Variants in KCNB2 observed in about 807,000 individuals in gnomAD.
KCNB2 encodes the protein delayed rectifier potassium channel protein.
KCNB2 carries 15 observed loss-of-function variants against 61.5 expected under a neutral mutation model. That is an observed-to-expected ratio of 0.24 (90% CI 0.16 to 0.38). The LOEUF is 0.38. Ranked by LOEUF, KCNB2 falls within the 10% of genes least tolerant of loss-of-function variation. The pLI is 1.00. For synonymous variants in KCNB2, 457 were observed against 446.0 expected (o/e 1.02, Z -0.31); for missense variants, 828 against 1,125.2 (o/e 0.74, Z 3.78).
chr8:72,846,534 G>C (rs1809996923), intron 2 of KCNB2, among the ~76,000 whole-genome samples: 1 of 145,686 alleles, frequency 6.9e-6, no homozygotes, highest in South Asian at 2.2e-4. Context: ...CTAATATCCA[G>C]AATCAACAAA....
At chr8:72,735,196 G>C (rs1487974845) in intron 2 of KCNB2, among the ~76,000 whole-genome samples, 1 of 152,150 alleles carries the variant, frequency 6.6e-6, no homozygotes, top group Non-Finnish European at 1.5e-5. Flanking sequence ...GCATCCAGGA[G>C]TGAAGTTCCA....
chr8:72,837,982 T>C (rs1809812308), intron 2 of KCNB2, among the ~76,000 whole-genome samples: 1 of 152,200 alleles, frequency 6.6e-6, no homozygotes, highest in South Asian at 2.1e-4. Flanking sequence ...TTCATACTGG[T>C]ATTACCTTTT....
At chr8:72,767,972 G>A (rs1358598561) in intron 2 of KCNB2, among the ~76,000 whole-genome samples, 1 of 152,172 alleles carries the variant, frequency 6.6e-6, no homozygotes, top group Non-Finnish European at 1.5e-5. Flanking sequence ...GGTTAATGAT[G>A]TTTTACATCG....
chr8:72,650,305 T>A (rs1479523957), intron 2 of KCNB2, among the ~76,000 whole-genome samples: 1 of 152,146 alleles, frequency 6.6e-6, no homozygotes, highest in Non-Finnish European at 1.5e-5. Context: ...CCTGGGACTT[T>A]CAGTCGCCAG....
intron 2 of KCNB2, among the ~76,000 whole-genome samples, chr8:72,819,501 A>G (rs1809456819): frequency 6.6e-6 from 1 of 152,168 alleles, no homozygotes; most frequent in Non-Finnish European, 1.5e-5. Context: ...CTGGGACTAC[A>G]GGTGTGTTTC....
intron 2 of KCNB2, among the ~76,000 whole-genome samples, chr8:72,931,113 T>C (rs1427961701): frequency 1.3e-5 from 2 of 152,334 alleles, no homozygotes; most frequent in South Asian, 2.1e-4. Flanking sequence ...GTTGTAGATG[T>C]GTGGTATTAT....
intron 2 of KCNB2, among the ~76,000 whole-genome samples, chr8:72,907,172 C>T (rs1178683085): frequency 5.9e-5 from 9 of 152,090 alleles, no homozygotes; most frequent in Non-Finnish European, 1.3e-4. Flanking sequence ...TCCTGGCCAA[C>T]ATGGTGAAAC....
Position 72,639,015 on chromosome 8 carries a change from T to C in KCNB2, c.579+70702T>C, listed in dbSNP as rs543432256. 5.3e-5 allele frequency among the ~76,000 whole-genome samples: 8 copies of C among 152,292 alleles called. No individual in the cohort carries two copies. In the East Asian group the frequency reaches 1.4e-3, roughly 26 times the overall value. Reference sequence around the variant, plus strand: ...TATTGGCTTCCAGGCACATGCGGTGTGCTTAAATCATCACCTATAAAGCTC... The same window carrying C: ...TATTGGCTTCCAGGCACATGCGGTGCGCTTAAATCATCACCTATAAAGCTC... On this transcript the variant is annotated intron_variant, in intron 2 of 2. Transcript: ENST00000523207.
At chr8:72,775,870 A>G (rs941709765) in intron 2 of KCNB2, among the ~76,000 whole-genome samples, 2 of 152,206 alleles carry the variant, frequency 1.3e-5, no homozygotes, top group Admixed American at 1.3e-4. Context: ...AGAACTGGAA[A>G]TACCATTTGA....
intron 2 of KCNB2, among the ~76,000 whole-genome samples, chr8:72,792,054 C>T (rs1184698017): frequency 6.6e-6 from 1 of 152,136 alleles, no homozygotes; most frequent in East Asian, 1.9e-4. Flanking sequence ...CTATAGCAAT[C>T]CAATGAGGAA....
chr8:72,909,653 T>TG (rs1236831022), intron 2 of KCNB2, among the ~76,000 whole-genome samples: 3 of 151,810 alleles, frequency 2.0e-5, no homozygotes, highest in African/African-American at 7.3e-5. Context: ...GGCATGAATC[T>TG]GGGGGGGAAA....
chr8:72,562,043 C>G (rs906481807), intron 1 of KCNB2, among the ~76,000 whole-genome samples: 2 of 151,354 alleles, frequency 1.3e-5, no homozygotes, highest in African/African-American at 2.4e-5. Flanking sequence ...AAGAAAATGC[C>G]TTAGAGCTAT....
chr8:72,615,287 T>A (rs191496220), intron 2 of KCNB2, among the ~76,000 whole-genome samples: 2 of 152,350 alleles, frequency 1.3e-5, no homozygotes, highest in Admixed American at 6.5e-5. Context: ...AAACAAGATG[T>A]TGTGTGTGAA....
chr8:72,593,809 C>G (rs1412209925), intron 2 of KCNB2, among the ~76,000 whole-genome samples: 1 of 152,094 alleles, frequency 6.6e-6, no homozygotes. Flanking sequence ...ATAGAATCTG[C>G]TGGGTTATGG....
chr8:72,871,984 A>G lies in KCNB2; in HGVS notation c.580-63951A>G, dbSNP rs188106876. ...GTCCATTACACCTTGGAGCATAATCATGACCAAATCTAGGAGTTTCTCACT... is the reference window on the plus strand; with the variant it reads ...GTCCATTACACCTTGGAGCATAATCGTGACCAAATCTAGGAGTTTCTCACT... On this transcript the variant is annotated intron_variant, in intron 2 of 2. Transcript: ENST00000523207. Among the ~76,000 whole-genome samples the G allele has an allele frequency of 4.2e-4, 64 of 152,334 alleles. No homozygotes were observed. The Middle Eastern group carries it at 0.027, about 65-fold the overall frequency.
At chr8:72,774,861 T>C (rs1246347502) in intron 2 of KCNB2, among the ~76,000 whole-genome samples, 1 of 152,146 alleles carries the variant, frequency 6.6e-6, no homozygotes, top group African/African-American at 2.4e-5. Flanking sequence ...CCTGCTAGAA[T>C]TCTTTATCCG....
chr8:72,608,267 AGGTGAGAGTG>A (rs1238550749), intron 2 of KCNB2, among the ~76,000 whole-genome samples: 3 of 151,874 alleles, frequency 2.0e-5, no homozygotes, highest in Non-Finnish European at 4.4e-5. Flanking sequence ...TGGAATAGGG[AGGTGAGAGTG>A]GGCAGAGAGG....
chr8:72,625,979 A>G (rs7845401), intron 2 of KCNB2, among the ~76,000 whole-genome samples: 4,501 of 152,256 alleles, frequency 0.03, 235 homozygotes, highest in African/African-American at 0.1. Context: ...GCTTAAATAC[A>G]TAACTGCCAA....
At chr8:72,763,703 C>A (rs1808421093) in intron 2 of KCNB2, among the ~76,000 whole-genome samples, 1 of 152,148 alleles carries the variant, frequency 6.6e-6, no homozygotes, top group African/African-American at 2.4e-5. Flanking sequence ...AACGATTACT[C>A]AAATATGTGG....
Sources: allele counts gnomAD v4.1 joint callset (sites outside exome capture counted in the v4.1 genomes callset), GRCh38; gene constraint gnomAD v4.1.1; transcripts MANE v1.5; gene names NCBI Gene and HGNC (gene_info 2026-07-23, HGNC 2026-07-21).